CGNL1: variants seen among roughly 807,000 people sequenced by gnomAD.
The protein encoded by CGNL1 is cingulin-like protein 1.
A neutral mutation model predicts 141.2 loss-of-function variants in CGNL1; 132 were observed. The observed-to-expected ratio is 0.93, with a 90% CI of 0.81 to 1.08. CGNL1 has a LOEUF of 1.08. Among genes scored for constraint, CGNL1 ranks in the 50% least tolerant of loss-of-function variants. The pLI, the probability that CGNL1 is intolerant of heterozygous loss-of-function variation, is 0.00. For synonymous variants in CGNL1, 690 were observed against 622.1 expected, an observed-to-expected ratio of 1.11 and a Z score of -1.63; for missense variants, 1,870 against 1,588.6, an observed-to-expected ratio of 1.18 and a Z score of -3.01.
chr15:57,445,764 A>C (rs1248073087), intron 4 of CGNL1, among the ~76,000 whole-genome samples: 1 of 151,964 alleles, frequency 6.6e-6, no homozygotes, highest in African/African-American at 2.4e-5. Flanking sequence ...TTTGATTCCT[A>C]CTTTTATTTC....
chr15:57,383,232 G>A lies in CGNL1; in HGVS notation c.-16+6665G>A, dbSNP rs150529935. ...TGGAGTGAGAGATAAGAGAGAGAGA[G>A]AAAATAGCTTGCAAAGGGATTGCAG... On this transcript the variant is annotated intron_variant, in intron 1 of 18. Transcript: ENST00000281282. 4.5e-3 allele frequency among the ~76,000 whole-genome samples: 683 copies of A among 151,582 alleles called. 2 individuals are homozygous for A. Among genetic ancestry groups the A allele is most frequent in the African/African-American group, 0.016 (645 of 41,094 alleles).
intron 12 of CGNL1, among the ~76,000 whole-genome samples, chr15:57,526,336 C>T (rs1272396197): frequency 6.6e-6 from 1 of 152,006 alleles, no homozygotes; most frequent in Non-Finnish European, 1.5e-5. Context: ...CCACCCTTGA[C>T]TAAGTTGGTA....
chr15:57,457,137 G>A (rs1267480151), intron 7 of CGNL1, among the ~76,000 whole-genome samples: 2 of 152,194 alleles, frequency 1.3e-5, no homozygotes, highest in Non-Finnish European at 2.9e-5. Context: ...CTTTCAGTGA[G>A]CATGGGCCAG....
intron 1 of CGNL1, among the ~76,000 whole-genome samples, chr15:57,381,982 G>T (rs1264484561): frequency 6.6e-6 from 1 of 152,200 alleles, no homozygotes; most frequent in Non-Finnish European, 1.5e-5. Flanking sequence ...TTAGAGAGAC[G>T]TGATTTCCAC....
intron 1 of CGNL1, among the ~76,000 whole-genome samples, chr15:57,426,410 G>T (rs894826482): frequency 5.9e-5 from 9 of 151,334 alleles, no homozygotes; most frequent in Admixed American, 2.6e-4. Context: ...CTCCCAAAGC[G>T]CTGGGATTAC....
chr15:57,467,052 C>G (rs1219304007), intron 8 of CGNL1, among the ~76,000 whole-genome samples: 1 of 152,126 alleles, frequency 6.6e-6, no homozygotes, highest in Non-Finnish European at 1.5e-5. Flanking sequence ...TCCTTCATTT[C>G]TCCGTTTGCA....
intron 1 of CGNL1, among the ~76,000 whole-genome samples, chr15:57,399,550 T>TG (rs1416118218): frequency 6.6e-6 from 1 of 151,958 alleles, no homozygotes; most frequent in Non-Finnish European, 1.5e-5. Context: ...TAGTTGTTTT[T>TG]TTTTTTTTTC....
At position 57,451,480 on chromosome 15, in the gene CGNL1, A is replaced by G. The variant is rs779516560; in HGVS notation, c.1804-20A>G. The G allele has an allele frequency of 9.2e-6, 14 of 1,526,756 alleles. No homozygotes were observed. The highest frequency in any genetic ancestry group is 1.2e-5 in the Non-Finnish European group (13 of 1,107,310). 94.6% of individuals were successfully genotyped at this position (1,526,756 alleles called of 1,614,324 possible). Reference sequence around the variant, plus strand: ...GCACCCTGAACATTTAAATTAGTATATCTTTGCAATTAATTATAGGCTTGT... The same window carrying G: ...GCACCCTGAACATTTAAATTAGTATGTCTTTGCAATTAATTATAGGCTTGT... On this transcript the variant is annotated intron_variant, in intron 4 of 18. Transcript: ENST00000281282.
chr15:57,447,200 A>C (rs2063264558), intron 4 of CGNL1, among the ~76,000 whole-genome samples: 1 of 152,168 alleles, frequency 6.6e-6, no homozygotes, highest in African/African-American at 2.4e-5. Context: ...GCGTTCCGTC[A>C]TTTTTGTTAG....
At chr15:57,387,591 C>A (rs1182683627) in intron 1 of CGNL1, among the ~76,000 whole-genome samples, 1 of 152,128 alleles carries the variant, frequency 6.6e-6, no homozygotes, top group Non-Finnish European at 1.5e-5. Context: ...CTTCATTTCC[C>A]CATGACTCTG....
chr15:57,413,221 T>TCCTCTCTTCCTCTCTTCCTCCCTC (rs750428591), intron 1 of CGNL1, among the ~76,000 whole-genome samples: 1 of 137,020 alleles, frequency 7.3e-6, no homozygotes, highest in African/African-American at 2.8e-5. Context: ...CTTCCTCTCT[T>TCCTCTCTTCCTCTCTTCCTCCCTC]CCTCCCTCCC....
At chr15:57,393,382 G>A (rs1567090184) in intron 1 of CGNL1, among the ~76,000 whole-genome samples, 1 of 152,194 alleles carries the variant, frequency 6.6e-6, no homozygotes, top group East Asian at 1.9e-4. Flanking sequence ...TAAAAGCTTA[G>A]TAGGCCTCCT....
chr15:57,382,214 G>C (rs1340716722), intron 1 of CGNL1, among the ~76,000 whole-genome samples: 1 of 152,176 alleles, frequency 6.6e-6, no homozygotes, highest in African/African-American at 2.4e-5. Flanking sequence ...GCCATATGGA[G>C]TTATAATTAG....
chr15:57,425,689 T>C (rs2062965023), intron 1 of CGNL1, among the ~76,000 whole-genome samples: 1 of 143,370 alleles, frequency 7.0e-6, no homozygotes, highest in South Asian at 2.2e-4. Flanking sequence ...TGCAATGAGC[T>C]GAGGCTGTGC....
Position 57,547,584 on chromosome 15 carries a change from G to GTC in CGNL1, c.*94_*95insTC. ...GGGAGGGGAGCATCTGTCTGCCACTGAGACCAATCACAGCCTCTTTGCACA... is the reference window on the plus strand; with the variant it reads ...GGGAGGGGAGCATCTGTCTGCCACTGTCAGACCAATCACAGCCTCTTTGCACA... On this transcript the variant is annotated 3_prime_UTR_variant, in exon 19 of 19. Transcript: ENST00000281282. 7.0e-7 allele frequency: 1 copy of GTC among 1,428,736 alleles called. No homozygotes were observed. The highest frequency in any genetic ancestry group is 9.6e-7 in the Non-Finnish European group (1 of 1,043,088). The allele number at this position is 1,428,736 out of a possible 1,614,324, so 88.5% of individuals were successfully genotyped here. A position where few individuals can be genotyped will look rare whatever the true frequency, so the allele number is the denominator to read the frequency against.
chr15:57,543,449 C>A (rs1280169472), intron 14 of CGNL1, among the ~76,000 whole-genome samples: 1 of 152,156 alleles, frequency 6.6e-6, no homozygotes, highest in African/African-American at 2.4e-5. Context: ...GGACACAGTT[C>A]AACCCCTAAC....
intron 1 of CGNL1, among the ~76,000 whole-genome samples, chr15:57,408,980 G>A (rs2062754481): frequency 6.6e-6 from 1 of 151,554 alleles, no homozygotes; most frequent in African/African-American, 2.4e-5. Context: ...GGTGGAGGTT[G>A]CAGTGAGCCG....
chr15:57,382,116 G>T lies in CGNL1; in HGVS notation c.-16+5549G>T, dbSNP rs551937871. On this transcript the variant is annotated intron_variant, in intron 1 of 18. Transcript: ENST00000281282. The stretch of plus-strand genomic sequence containing the variant: ...ACGAAGCTGTGCACATCCAATTCCT[G>T]TTTATGTGGTACTCGCGACAAAAAC... Among the ~76,000 whole-genome samples the T allele has an allele frequency of 5.5e-4, 84 of 152,280 alleles. 4 individuals carry two copies. In the South Asian group the frequency reaches 0.015, roughly 27 times the overall value.
intron 4 of CGNL1, among the ~76,000 whole-genome samples, chr15:57,447,069 A>G (rs1226385077): frequency 6.6e-6 from 1 of 151,972 alleles, no homozygotes; most frequent in Non-Finnish European, 1.5e-5. Context: ...AGGAATTTTG[A>G]TTGGGATTAT....
Sources: allele counts gnomAD v4.1 joint callset (sites outside exome capture counted in the v4.1 genomes callset), GRCh38; gene constraint gnomAD v4.1.1; transcripts MANE v1.5; gene names NCBI Gene and HGNC (gene_info 2026-07-23, HGNC 2026-07-21).